NCLN: variants seen among roughly 807,000 people sequenced by gnomAD.
NCLN encodes nicalin.
NCLN carries 34 observed loss-of-function variants against 69.5 expected under a neutral mutation model. That is an observed-to-expected ratio of 0.49 (90% confidence interval 0.37 to 0.65). NCLN has a LOEUF of 0.65. Among genes scored for constraint, NCLN ranks in the 30% least tolerant of loss-of-function variants. The pLI, the probability that NCLN is intolerant of heterozygous loss-of-function variation, is 0.00. For missense variants in NCLN, 710 were observed against 804.8 expected, an observed-to-expected ratio of 0.88 and a Z score of 1.42; for synonymous variants, 393 against 358.3, an observed-to-expected ratio of 1.10 and a Z score of -1.09.
At chr19:3,201,176 C>T (rs977395450) in intron 5 of NCLN, among the ~76,000 whole-genome samples, 21 of 152,318 alleles carry the variant, frequency 1.4e-4, no homozygotes, top group Admixed American at 8.5e-4. Context: ...CCTCTGTGAG[C>T]GAATCTGGCC....
intron 1 of NCLN, among the ~76,000 whole-genome samples, chr19:3,187,604 G>A (rs1055131090): frequency 6.6e-6 from 1 of 152,180 alleles, no homozygotes; most frequent in African/African-American, 2.4e-5. Flanking sequence ...CCGAGGGGAC[G>A]CTGGGTGATG....
chr19:3,207,278 G>GC, intron 13 of NCLN, 27 bp downstream of exon 13: 1 of 1,613,518 alleles, frequency 6.2e-7, no homozygotes, highest in Non-Finnish European at 8.5e-7. Flanking sequence ...GGGACCTGGA[G>GC]CCCTTCACCC....
At chr19:3,202,329 C>G (rs1916147064) in intron 6 of NCLN, among the ~76,000 whole-genome samples, 1 of 152,094 alleles carries the variant, frequency 6.6e-6, no homozygotes, top group African/African-American at 2.4e-5. Context: ...TTGATTTTTC[C>G]CCAGATAATG....
chr19:3,193,110 C>T (rs914575999), intron 2 of NCLN, among the ~76,000 whole-genome samples, 174 bp from the exon 3 acceptor site: 2 of 149,756 alleles, frequency 1.3e-5, no homozygotes, highest in African/African-American at 4.9e-5. Context: ...TGGTTCATGC[C>T]GCCCTCTGAG....
rs534087046 is a variant in NCLN at position 3,207,720 on chromosome 19, G to A, written c.*32G>A. The A allele has an allele frequency of 6.7e-5, 106 of 1,583,730 alleles. No homozygotes were observed. In the East Asian group the frequency reaches 1.7e-3, roughly 26 times the overall value. On this transcript the variant is annotated 3_prime_UTR_variant, in exon 15 of 15. Coordinates refer to ENST00000246117, the MANE Select transcript of NCLN (RefSeq NM_020170.4). ...CACCCCCACAGCCGGAGCCCCCGCC[G>A]CTCCACAGTCCCTGGGGCCGAGCAC...
intron 3 of NCLN, among the ~76,000 whole-genome samples, chr19:3,195,380 G>T (rs911995252): frequency 6.6e-6 from 1 of 151,912 alleles, no homozygotes; most frequent in Admixed American, 6.6e-5. Context: ...CTCCAGAGTA[G>T]CTGGGACTAC....
At chr19:3,206,509 C>T in intron 12 of NCLN, 84 bp downstream of exon 12, 1 of 1,423,242 alleles carries the variant, frequency 7.0e-7, no homozygotes, top group Admixed American at 2.5e-5. Flanking sequence ...CCCCTCACCC[C>T]TGGGGGATGC....
In NCLN at chr19:3,205,182, C is replaced by A. The variant is rs910877054; in HGVS notation, c.1208+431C>A. On this transcript the variant is annotated intron_variant, in intron 9 of 14. Transcript: ENST00000246117. This position sits in a 1 kb window ranked among gnomAD's most constrained non-coding sequence, Gnocchi z 4.6. Reference sequence around the variant, plus strand: ...GTCTCTGGCTTCTTATGTCCTCTGACCCTGTGTCCTGCCCGTCTCTCTGCC... The same window carrying A: ...GTCTCTGGCTTCTTATGTCCTCTGAACCTGTGTCCTGCCCGTCTCTCTGCC... Among the ~76,000 whole-genome samples the A allele has an allele frequency of 2.0e-5, 3 of 152,242 alleles. No individual in the cohort carries two copies. The highest frequency in any genetic ancestry group is 7.2e-5 in the African/African-American group (3 of 41,462).
intron 5 of NCLN, 83 bp downstream of exon 5, chr19:3,198,980 G>A: frequency 2.0e-6 from 2 of 1,008,376 alleles, no homozygotes; most frequent in Non-Finnish European, 2.7e-6. Flanking sequence ...AGCGCCTGTA[G>A]GGGATGGCGG....
At chr19:3,203,946 G>A in intron 7 of NCLN, 59 bp from the exon 8 acceptor site, 3 of 1,550,444 alleles carry the variant, frequency 1.9e-6, no homozygotes, top group Admixed American at 3.9e-5. Context: ...GGCACAGAGG[G>A]AGGGCCGGGG....
intron 5 of NCLN, among the ~76,000 whole-genome samples, chr19:3,199,112 A>G (rs1419706001): frequency 6.6e-6 from 1 of 152,160 alleles, no homozygotes; most frequent in Non-Finnish European, 1.5e-5. Flanking sequence ...CGCAGGTTCC[A>G]GGGCACGGCG....
intron 12 of NCLN, among the ~76,000 whole-genome samples, chr19:3,206,811 CTTT>C (rs761055371): frequency 4.6e-5 from 7 of 152,124 alleles, no homozygotes; most frequent in Non-Finnish European, 1.0e-4. Context: ...TCTCTACAAA[CTTT>C]TTAAAGTTTT....
At chr19:3,191,048 C>T (rs935972944) in intron 1 of NCLN, among the ~76,000 whole-genome samples, 1 of 145,292 alleles carries the variant, frequency 6.9e-6, no homozygotes, top group African/African-American at 2.6e-5. Context: ...GCGTGGCGGG[C>T]AGCAGGGAGA....
chr19:3,203,611 T>A, intron 6 of NCLN, 145 bp from the exon 7 acceptor site: 3 of 698,736 alleles, frequency 4.3e-6, no homozygotes, highest in Non-Finnish European at 4.8e-6. Flanking sequence ...GGCCGAGGGG[T>A]CATGCCCCGC....
rs528126470 is a variant in NCLN at position 3,191,984 on chromosome 19, T to G, written c.185-486T>G. On this transcript the variant is annotated intron_variant, in intron 1 of 14. Transcript: ENST00000246117. Reference sequence around the variant, plus strand: ...TGCGAGTATCACCTGGGGTCGGGAGTTTGAGACCAGCCTGGCCAACAGGCA... The same window carrying G: ...TGCGAGTATCACCTGGGGTCGGGAGGTTGAGACCAGCCTGGCCAACAGGCA... 5.3e-5 allele frequency among the ~76,000 whole-genome samples: 8 copies of G among 151,578 alleles called. No homozygotes were observed. The South Asian group carries it at 1.7e-3, about 32-fold the overall frequency.
chr19:3,186,025 G>A lies in NCLN; in HGVS notation c.-6G>A. The A allele has an allele frequency of 2.6e-6, 4 of 1,554,814 alleles. No homozygotes were observed. Among genetic ancestry groups the A allele is most frequent in the Non-Finnish European group, 3.5e-6 (4 of 1,155,730 alleles). ...GCCGCCCCGCGCGGCCCCGCCGCCG[G>A]CCAGGATGCTGGAGGAAGCGGGCGA... On this transcript the variant is annotated 5_prime_UTR_variant, in exon 1 of 15. Coordinates refer to ENST00000246117, the MANE Select transcript of NCLN (RefSeq NM_020170.4).
intron 4 of NCLN, among the ~76,000 whole-genome samples, chr19:3,198,553 T>G (rs1017931601): frequency 2.0e-5 from 3 of 150,362 alleles, no homozygotes; most frequent in African/African-American, 7.3e-5. Flanking sequence ...CTTATTCTCC[T>G]GCTCTCCCCG....
intron 1 of NCLN, among the ~76,000 whole-genome samples, chr19:3,190,223 A>G (rs1211077923): frequency 6.6e-6 from 1 of 152,140 alleles, no homozygotes; most frequent in African/African-American, 2.4e-5. Context: ...GGGCCTCCCA[A>G]GGGCAGAGGA....
chr19:3,206,217 T>C (rs765844098), intron 11 of NCLN, 27 bp downstream of exon 11: 3 of 187,200 alleles, frequency 1.6e-5, no homozygotes, highest in Non-Finnish European at 2.7e-5. Context: ...AGTGGGTGGG[T>C]GGGTGGGCGG....
Sources: allele counts gnomAD v4.1 joint callset (sites outside exome capture counted in the v4.1 genomes callset), GRCh38; gene constraint gnomAD v4.1.1; non-coding constraint Gnocchi (gnomAD v3.1); transcripts MANE v1.5; gene names NCBI Gene and HGNC (gene_info 2026-07-23, HGNC 2026-07-21).